Variants in CHRM2 observed in about 807,000 individuals in gnomAD.
CHRM2 encodes cholinergic receptor muscarinic 2.
Under a neutral mutation model 25.0 loss-of-function variants are expected in CHRM2, and 8 were observed. The ratio of observed to expected loss-of-function variants is 0.32; its 90% CI spans 0.19 to 0.58. The LOEUF is 0.58. Ranked by LOEUF, CHRM2 falls within the 20% of genes least tolerant of loss-of-function variation. The probability of loss-of-function intolerance (pLI) is 0.88; values close to 1 mark genes in which losing one functional copy is unlikely to be tolerated. For missense variants in CHRM2, 440 were observed against 567.1 expected (o/e 0.78, Z 2.28); for synonymous variants, 202 against 205.7 (o/e 0.98, Z 0.15).
At chr7:136,925,427 C>G (rs1327254760) in intron 2 of CHRM2, among the ~76,000 whole-genome samples, 1 of 152,090 alleles carries the variant, frequency 6.6e-6, no homozygotes. Flanking sequence ...ATACTTAATA[C>G]TACAGAACAA....
intron 2 of CHRM2, among the ~76,000 whole-genome samples, chr7:136,930,927 A>AAAAAAAAAAAAAAAAAAAG (rs1290104978): frequency 9.4e-5 from 13 of 138,656 alleles, no homozygotes; most frequent in South Asian, 6.9e-4. Context: ...AAAAAAAAAA[A>AAAAAAAAAAAAAAAAAAAG]GGATAGAAAG....
chr7:136,972,028 GTC>G (rs1378060450), intron 2 of CHRM2, among the ~76,000 whole-genome samples: 4 of 152,034 alleles, frequency 2.6e-5, no homozygotes, highest in Non-Finnish European at 4.4e-5. Flanking sequence ...TGGTTTCACT[GTC>G]TGACTGTCTT....
At position 137,012,877 on chromosome 7, in the gene CHRM2, T is replaced by C. The variant is rs75949940; in HGVS notation, c.-46-1943T>C. Among the ~76,000 whole-genome samples, 242 of 152,102 alleles carry C rather than the reference T, an allele frequency of 1.6e-3. 5 individuals are homozygous for C. In the East Asian group the frequency reaches 0.042, roughly 27 times the overall value. ...TTAAAGTTCTATAGATATAGATACA[T>C]TATCCTTCGTGGTGATTATCCCGCT... On this transcript the variant is annotated intron_variant, in intron 3 of 3. Transcript: ENST00000680005.
chr7:136,880,097 C>CT (rs1240655603), intron 2 of CHRM2, among the ~76,000 whole-genome samples: 4 of 150,160 alleles, frequency 2.7e-5, no homozygotes, highest in Admixed American at 2.7e-4. Context: ...TCTTGCCTCT[C>CT]TGTGGTTTAT....
At chr7:136,893,583 A>G (rs1033927741) in intron 2 of CHRM2, among the ~76,000 whole-genome samples, 2 of 152,148 alleles carry the variant, frequency 1.3e-5, no homozygotes, top group South Asian at 2.1e-4. Flanking sequence ...CATAGCCCAA[A>G]TCTCCAAGGC....
chr7:136,925,481 T>G (rs569243369), intron 2 of CHRM2, among the ~76,000 whole-genome samples: 1 of 152,096 alleles, frequency 6.6e-6, no homozygotes, highest in Non-Finnish European at 1.5e-5. Flanking sequence ...AAAGGGTATG[T>G]TAATTGATTA....
chr7:136,998,287 G>A (rs995086565), intron 3 of CHRM2, among the ~76,000 whole-genome samples: 2 of 151,932 alleles, frequency 1.3e-5, no homozygotes, highest in Non-Finnish European at 2.9e-5. Context: ...TTGAAGGTGG[G>A]AGGATTGAAG....
chr7:136,887,428 T>A (rs2130540360), intron 2 of CHRM2, among the ~76,000 whole-genome samples: 1 of 152,310 alleles, frequency 6.6e-6, no homozygotes, highest in East Asian at 1.9e-4. Flanking sequence ...ACAGCTTGAA[T>A]GAGAATCCAG....
chr7:136,930,860 G>A (rs551520332), intron 2 of CHRM2, among the ~76,000 whole-genome samples: 2 of 129,794 alleles, frequency 1.5e-5, no homozygotes, highest in East Asian at 5.1e-4. Flanking sequence ...CTGCGCCACT[G>A]CACTCCAGCC....
At chr7:136,974,308 C>T (rs1801974939) in intron 2 of CHRM2, among the ~76,000 whole-genome samples, 1 of 152,120 alleles carries the variant, frequency 6.6e-6, no homozygotes, top group African/African-American at 2.4e-5. Flanking sequence ...GTGCTGGATG[C>T]TGTGCTAAGC....
intron 3 of CHRM2, among the ~76,000 whole-genome samples, chr7:137,012,616 G>A (rs1804896080): frequency 6.6e-6 from 1 of 151,880 alleles, no homozygotes; most frequent in African/African-American, 2.4e-5. Context: ...ATATCTACCT[G>A]TTTTACTAGC....
intron 2 of CHRM2, among the ~76,000 whole-genome samples, chr7:136,875,346 C>T (rs918464999): frequency 1.4e-4 from 22 of 151,760 alleles, no homozygotes; most frequent in African/African-American, 5.3e-4. Context: ...TTTATTAATC[C>T]CTAAATACAT....
chr7:136,897,801 TTTC>T (rs1796986020), intron 2 of CHRM2, among the ~76,000 whole-genome samples: 1 of 152,194 alleles, frequency 6.6e-6, no homozygotes, highest in Non-Finnish European at 1.5e-5. Context: ...CTAATCATTA[TTTC>T]TTTTCATTTT....
At chr7:136,975,910 T>C (rs186425514) in intron 2 of CHRM2, among the ~76,000 whole-genome samples, 3 of 152,330 alleles carry the variant, frequency 2.0e-5, no homozygotes, top group Admixed American at 2.0e-4. Context: ...TTCTCGTTCA[T>C]ATTTTCAAGG....
intron 2 of CHRM2, among the ~76,000 whole-genome samples, chr7:136,935,285 T>A (rs1358330045): frequency 1.3e-5 from 2 of 152,006 alleles, no homozygotes; most frequent in African/African-American, 4.8e-5. Context: ...ATATGGAAAA[T>A]TATTTTCTTA....
intron 2 of CHRM2, among the ~76,000 whole-genome samples, chr7:136,974,577 A>G (rs1045328356): frequency 6.6e-6 from 1 of 152,138 alleles, no homozygotes; most frequent in African/African-American, 2.4e-5. Context: ...GCTCGAATGC[A>G]TATACCTCAT....
chr7:136,928,918 C>A lies in CHRM2; in HGVS notation c.-125+59500C>A, dbSNP rs552807144. On this transcript the variant is annotated intron_variant, in intron 2 of 3. Coordinates refer to ENST00000680005, the MANE Select transcript of CHRM2 (RefSeq NM_001006630.2). The stretch of plus-strand genomic sequence containing the variant: ...AAATAGCAGCTATCTCACAGGGTTG[C>A]TGTGAGGATGAAATAAGAGGCTCTA... 2.6e-3 allele frequency among the ~76,000 whole-genome samples: 396 copies of A among 152,222 alleles called. 1 individual carries two copies. Among genetic ancestry groups the A allele is most frequent in the Non-Finnish European group, 2.9e-3 (198 of 68,016 alleles).
chr7:136,991,087 T>G (rs1803196341), intron 2 of CHRM2, among the ~76,000 whole-genome samples: 1 of 152,200 alleles, frequency 6.6e-6, no homozygotes, highest in Non-Finnish European at 1.5e-5. Flanking sequence ...GTGGCTTCTT[T>G]GCTCATTGTC....
intron 2 of CHRM2, among the ~76,000 whole-genome samples, chr7:136,889,193 G>C (rs183557107): frequency 6.6e-6 from 1 of 152,218 alleles, no homozygotes; most frequent in Non-Finnish European, 1.5e-5. Context: ...TTGGTGGATA[G>C]GTGATTTCTG....
Sources: allele counts gnomAD v4.1 joint callset (sites outside exome capture counted in the v4.1 genomes callset), GRCh38; gene constraint gnomAD v4.1.1; transcripts MANE v1.5; gene names NCBI Gene and HGNC (gene_info 2026-07-23, HGNC 2026-07-21).